Variants in RBMS3 observed in about 807,000 individuals in gnomAD.
RBMS3 encodes RNA binding motif single stranded interacting protein 3.
A neutral mutation model predicts 66.8 loss-of-function variants in RBMS3; 27 were observed. That is an observed-to-expected ratio of 0.40 (90% CI 0.30 to 0.56). The LOEUF is 0.56. RBMS3 is among the 20% of genes least tolerant of loss of function. RBMS3 has a pLI of 0.40. For synonymous variants in RBMS3, 188 were observed against 183.0 expected (o/e 1.03, Z -0.22); for missense variants, 513 against 549.5 (o/e 0.93, Z 0.66).
intron 6 of RBMS3, among the ~76,000 whole-genome samples, chr3:29,796,014 A>G (rs2057169686): frequency 6.6e-6 from 1 of 152,212 alleles, no homozygotes; most frequent in Non-Finnish European, 1.5e-5. Context: ...TGACCAGTGT[A>G]TAAGGATACC....
At chr3:30,000,311 G>A (rs1274511436) in intron 14 of RBMS3, among the ~76,000 whole-genome samples, 1 of 152,174 alleles carries the variant, frequency 6.6e-6, no homozygotes, top group Non-Finnish European at 1.5e-5. Flanking sequence ...CTGATTATCA[G>A]AGAAATGCAA....
chr3:29,622,086 C>A (rs2048886948), intron 4 of RBMS3, among the ~76,000 whole-genome samples: 1 of 152,090 alleles, frequency 6.6e-6, no homozygotes, highest in African/African-American at 2.4e-5. Context: ...ACTCTTCCAG[C>A]TCTAAAATTT....
At chr3:29,968,680 G>C (rs1559847655) in intron 12 of RBMS3, among the ~76,000 whole-genome samples, 1 of 152,158 alleles carries the variant, frequency 6.6e-6, no homozygotes, top group Non-Finnish European at 1.5e-5. Flanking sequence ...TCCTCAGTTG[G>C]GGCACTCACA....
intron 12 of RBMS3, among the ~76,000 whole-genome samples, chr3:29,947,933 C>G (rs1695425994): frequency 6.6e-6 from 1 of 150,830 alleles, no homozygotes. Flanking sequence ...TTCTAAAAAG[C>G]TTTGAGTTCA....
intron 4 of RBMS3, among the ~76,000 whole-genome samples, chr3:29,691,947 C>CTTTTTTTTTTT (rs1218393454): frequency 5.6e-5 from 3 of 53,548 alleles, no homozygotes; most frequent in African/African-American, 1.5e-4. Context: ...CTCTCTCTCT[C>CTTTTTTTTTTT]TATTTTTTTT....
At chr3:29,955,443 A>G (rs2149723349) in intron 12 of RBMS3, among the ~76,000 whole-genome samples, 1 of 152,168 alleles carries the variant, frequency 6.6e-6, no homozygotes, top group East Asian at 1.9e-4. Context: ...ACCTTGACTA[A>G]GAGAAATGAT....
At chr3:29,972,643 C>T (rs1014952546) in intron 12 of RBMS3, among the ~76,000 whole-genome samples, 3 of 152,068 alleles carry the variant, frequency 2.0e-5, no homozygotes, top group African/African-American at 4.8e-5. Flanking sequence ...TTAAGGAATG[C>T]CTTCAACATT....
intron 3 of RBMS3, among the ~76,000 whole-genome samples, chr3:29,509,419 G>A (rs768732441): frequency 3.3e-5 from 5 of 152,124 alleles, no homozygotes; most frequent in Non-Finnish European, 7.4e-5. Context: ...ATATATGATA[G>A]CAGTTTTTTC....
chr3:29,778,901 A>G (rs542940686), intron 6 of RBMS3, among the ~76,000 whole-genome samples: 4 of 152,022 alleles, frequency 2.6e-5, no homozygotes, highest in South Asian at 2.1e-4. Flanking sequence ...GAGGGGATAC[A>G]CTATAGGAGA....
rs545164181 is a variant in RBMS3, at chr3:29,416,458, A to G, written c.76-18285A>G. 1.8e-4 allele frequency among the ~76,000 whole-genome samples: 27 copies of G among 152,326 alleles called. No homozygotes were observed. The South Asian group carries it at 5.0e-3, about 28-fold the overall frequency. ...ACTGGCAATGTGTTTCCATGGTTACATGGATTTGGAAAATTTGTAAAAGAA... is the reference window on the plus strand; with the variant it reads ...ACTGGCAATGTGTTTCCATGGTTACGTGGATTTGGAAAATTTGTAAAAGAA... On this transcript the variant is annotated intron_variant, in intron 1 of 14. Coordinates refer to ENST00000383767, the MANE Select transcript of RBMS3 (RefSeq NM_001003793.3).
At chr3:29,900,706 G>A (rs1025565545) in intron 10 of RBMS3, among the ~76,000 whole-genome samples, 1 of 151,814 alleles carries the variant, frequency 6.6e-6, no homozygotes, top group South Asian at 2.1e-4. Context: ...TAGTGCTTTT[G>A]TGAGGATCAA....
chr3:29,575,188 T>C (rs1405243814), intron 3 of RBMS3, among the ~76,000 whole-genome samples: 1 of 152,190 alleles, frequency 6.6e-6, no homozygotes, highest in Non-Finnish European at 1.5e-5. Context: ...CTGGTGTTGA[T>C]AAAATCCATC....
chr3:29,580,682 T>TATAATAATA (rs5847581), intron 3 of RBMS3, among the ~76,000 whole-genome samples: 180 of 147,672 alleles, frequency 1.2e-3, no homozygotes, highest in African/African-American at 3.5e-3. Flanking sequence ...AATTTAATAA[T>TATAATAATA]ATAATAATAA....
intron 2 of RBMS3, among the ~76,000 whole-genome samples, chr3:29,464,211 G>A (rs568745931): frequency 6.6e-5 from 10 of 152,264 alleles, no homozygotes; most frequent in Middle Eastern, 6.8e-3. Context: ...AAAACCATGC[G>A]TAAGTCTGTG....
chr3:29,879,641 AT>A (rs1406601360), intron 7 of RBMS3, among the ~76,000 whole-genome samples: 1 of 152,142 alleles, frequency 6.6e-6, no homozygotes, highest in Non-Finnish European at 1.5e-5. Flanking sequence ...CCAATTATGT[AT>A]CAGGCCAGAC....
chr3:29,661,332 G>A (rs1044425806), intron 4 of RBMS3, among the ~76,000 whole-genome samples: 1 of 152,110 alleles, frequency 6.6e-6, no homozygotes, highest in African/African-American at 2.4e-5. Context: ...ATCTCTTTGA[G>A]CTGTTGCCTA....
At chr3:29,373,580 A>G (rs1009151230) in intron 1 of RBMS3, among the ~76,000 whole-genome samples, 1 of 152,208 alleles carries the variant, frequency 6.6e-6, no homozygotes, top group African/African-American at 2.4e-5. Flanking sequence ...CTGTTTCCAG[A>G]CTGTTATCAG....
intron 4 of RBMS3, among the ~76,000 whole-genome samples, chr3:29,644,703 A>G (rs2049851247): frequency 6.6e-6 from 1 of 152,178 alleles, no homozygotes; most frequent in South Asian, 2.1e-4. Flanking sequence ...CTTTCATTGC[A>G]GGCACTATAT....
intron 6 of RBMS3, among the ~76,000 whole-genome samples, chr3:29,780,809 T>C (rs2056604974): frequency 1.3e-5 from 2 of 152,296 alleles, no homozygotes; most frequent in South Asian, 2.1e-4. Context: ...GTCCCTGCTC[T>C]AAATTTTTCT....
Sources: gnomAD v4.1 joint callset for allele counts (sites outside exome capture counted in the v4.1 genomes callset) on GRCh38, gnomAD v4.1.1 for gene constraint, MANE v1.5 for transcripts, NCBI Gene and HGNC (gene_info 2026-07-23, HGNC 2026-07-21) for gene names.